C16orf89: variants seen among roughly 807,000 people sequenced by gnomAD.
The protein encoded by C16orf89 is UPF0764 protein C16orf89.
In C16orf89, 57 loss-of-function variants were observed where a neutral mutation model predicts 41.5. The ratio of observed to expected loss-of-function variants is 1.38; its 90% CI spans 1.11 to 1.71. C16orf89 has a LOEUF of 1.71. C16orf89 is among the 40% of genes most tolerant of loss of function. C16orf89 has a pLI of 0.00. For missense variants in C16orf89, 575 were observed against 445.9 expected (o/e 1.29, Z -2.61); for synonymous variants, 223 against 190.6 (o/e 1.17, Z -1.40).
rs1158669218 is a variant in C16orf89, at chr16:5,047,884, A to G, written c.949T>C (p.Phe317Leu). 3 of 1,565,168 alleles carry G rather than the reference A, an allele frequency of 1.9e-6. No homozygotes were observed. Among genetic ancestry groups the G allele is most frequent in the Admixed American group, 1.7e-5 (1 of 59,666 alleles). The change falls in exon 7 of 8, where the codon TTT (phenylalanine) becomes CTT (leucine). Residue 317 changes from phenylalanine (F) to leucine (L), a missense_variant. Coordinates refer to ENST00000472572, the MANE Select transcript of C16orf89 (RefSeq NM_001098514.3). ...SRRVKRREKQ[F>L]PDGCSSHNTA... ...CCTTGGGTATTTTCATTACCTGGAAATTGTTTTTCTCGCCTCTTCACTCTC... is the reference window on the plus strand; with the variant it reads ...CCTTGGGTATTTTCATTACCTGGAAGTTGTTTTTCTCGCCTCTTCACTCTC...
intron 4 of C16orf89, 104 bp from the exon 5 acceptor site, chr16:5,056,292 G>T: frequency 1.7e-6 from 2 of 1,155,110 alleles, no homozygotes; most frequent in Non-Finnish European, 1.2e-6. Flanking sequence ...CTTGCAAGGG[G>T]CTGTGTTTAG....
chr16:5,062,505 C>G lies in C16orf89; in HGVS notation c.278G>C (p.Gly93Ala). Residue 93 changes from glycine to alanine, a missense_variant, in exon 2 of 8, where the codon GGG becomes GCG. Coordinates refer to ENST00000472572, the MANE Select transcript of C16orf89 (RefSeq NM_001098514.3). ...PLLQPLSLRVGMLGEKLEAAI... is the reference protein window; with the variant it reads ...PLLQPLSLRVAMLGEKLEAAI... ...AGCCTCCAGCTTCTCCCCCAGCATC[C>G]CCACGCGCAGGCTCAGCGGCTGCAG... 1 of 1,614,072 alleles carries G rather than the reference C, an allele frequency of 6.2e-7. No individual in the cohort carries two copies. Among genetic ancestry groups the G allele is most frequent in the South Asian group, 1.1e-5 (1 of 91,082 alleles).
chr16:5,051,283 G>T (rs1342309636), intron 6 of C16orf89, among the ~76,000 whole-genome samples: 2 of 152,164 alleles, frequency 1.3e-5, no homozygotes, highest in African/African-American at 4.8e-5. Flanking sequence ...CAGATGACAT[G>T]ATCTGATAGA....
intron 4 of C16orf89, among the ~76,000 whole-genome samples, chr16:5,058,169 C>G (rs995249016): frequency 2.0e-5 from 3 of 151,936 alleles, no homozygotes; most frequent in Admixed American, 6.6e-5. Context: ...AGTCCATTGC[C>G]TGGGCTGGAG....
chr16:5,065,866 G>A lies in C16orf89; in HGVS notation c.43C>T (p.Leu15=). ...GLLLLLLLTA[L]PPLWSSSLPG... is the part of the protein sequence containing the mutation. ...AGTGAGGAGGACCACAGCGGTGGCAGTGCTGTCAGTAAGAGCAGGAGCAGC... is the reference window on the plus strand; with the variant it reads ...AGTGAGGAGGACCACAGCGGTGGCAATGCTGTCAGTAAGAGCAGGAGCAGC... The change falls in exon 1 of 8, where the codon CTG becomes TTG. Residue 15 remains leucine, a synonymous_variant. Coordinates refer to ENST00000472572, the MANE Select transcript of C16orf89 (RefSeq NM_001098514.3). 6.2e-7 allele frequency: 1 copy of A among 1,614,216 alleles called. No individual in the cohort carries two copies. The highest frequency in any genetic ancestry group is 8.5e-7 in the Non-Finnish European group (1 of 1,180,028).
In C16orf89 at chr16:5,049,939, A is replaced by C. The variant is rs141008503; in HGVS notation, c.869-1975T>G. On this transcript the variant is annotated intron_variant, in intron 6 of 7. Transcript: ENST00000472572. The stretch of plus-strand genomic sequence containing the variant: ...GGTTTTTAAAAAAGATCAACAGATA[A>C]ATTATTAACTAGACTAAGAAAAAAA... Among the ~76,000 whole-genome samples the C allele has an allele frequency of 1.4e-4, 22 of 152,286 alleles. No individual in the cohort carries two copies. The East Asian group carries it at 4.2e-3, about 29-fold the overall frequency.
chr16:5,062,970 A>C (rs907492275), intron 1 of C16orf89, among the ~76,000 whole-genome samples: 1 of 152,226 alleles, frequency 6.6e-6, no homozygotes, highest in Non-Finnish European at 1.5e-5. Context: ...GGCAACACAC[A>C]TTTGGATCAT....
intron 6 of C16orf89, 109 bp downstream of exon 6, chr16:5,055,137 C>G (rs552517113): frequency 5.2e-5 from 49 of 950,328 alleles, no homozygotes; most frequent in South Asian, 5.0e-4. Flanking sequence ...GTTACAAATC[C>G]CTTGGCAACC....
intron 2 of C16orf89, among the ~76,000 whole-genome samples, chr16:5,061,502 A>AAAAAAAAG (rs796550657): frequency 2.1e-5 from 1 of 46,650 alleles, no homozygotes; most frequent in Non-Finnish European, 3.4e-5. Context: ...AAAAAAAAAA[A>AAAAAAAAG]AACCCCCCCA....
chr16:5,055,843 T>A, intron 5 of C16orf89: 1 of 1,322,836 alleles, frequency 7.6e-7, no homozygotes. Flanking sequence ...ATGAAATAGT[T>A]GGGATAAACT....
chr16:5,063,556 A>T (rs1956671720), intron 1 of C16orf89, among the ~76,000 whole-genome samples: 1 of 151,742 alleles, frequency 6.6e-6, no homozygotes, highest in Admixed American at 6.6e-5. Context: ...ATTTACAGCC[A>T]CTCCCCATCA....
rs1404054631 is a variant in C16orf89 at position 5,055,339 on chromosome 16, C to T, written c.775G>A (p.Gly259Arg). ...DIFMENIMFC[G>R]MGGFSDFYKL... ...TAGAAGTCGGAGAAGCCGCCCATTC[C>T]ACAGAACATGACTGGAAGTAAAGAC... Residue 259 changes from glycine (G) to arginine (R), a missense_variant, in exon 6 of 8, where the codon GGA (glycine) becomes AGA (arginine). Coordinates refer to ENST00000472572, the MANE Select transcript of C16orf89 (RefSeq NM_001098514.3). 1 of 1,610,764 alleles carries T rather than the reference C, an allele frequency of 6.2e-7. No homozygotes were observed. The highest frequency in any genetic ancestry group is 2.2e-5 in the East Asian group (1 of 44,692).
In C16orf89 at chr16:5,055,331, G is replaced by A. The variant is rs1472061677; in HGVS notation, c.783C>T (p.Gly261=). The stretch of plus-strand genomic sequence containing the variant: ...GGAGCTTGTAGAAGTCGGAGAAGCC[G>A]CCCATTCCACAGAACATGACTGGAA... ...FMENIMFCGM[G]GFSDFYKLRW... Residue 261 remains glycine (G), a synonymous_variant, in exon 6 of 8, where the codon GGC becomes GGT. Coordinates refer to ENST00000472572, the MANE Select transcript of C16orf89 (RefSeq NM_001098514.3). 1.2e-5 allele frequency: 20 copies of A among 1,611,754 alleles called. No individual in the cohort carries two copies. The highest frequency in any genetic ancestry group is 6.7e-5 in the African/African-American group (5 of 74,798).
intron 2 of C16orf89, among the ~76,000 whole-genome samples, chr16:5,060,794 G>T (rs140431518): frequency 6.6e-6 from 1 of 151,944 alleles, no homozygotes; most frequent in Non-Finnish European, 1.5e-5. Context: ...GAGGCCCAAC[G>T]TTCAAGACCA....
chr16:5,046,334 T>A (rs1474696345), intron 7 of C16orf89, among the ~76,000 whole-genome samples: 1 of 151,576 alleles, frequency 6.6e-6, no homozygotes, highest in Non-Finnish European at 1.5e-5. Context: ...ATTTATTTTT[T>A]ATTTTATTTT....
intron 2 of C16orf89, among the ~76,000 whole-genome samples, chr16:5,061,195 G>C (rs1453655699): frequency 2.1e-5 from 3 of 144,528 alleles, no homozygotes; most frequent in Non-Finnish European, 4.5e-5. Context: ...CCGGGAGACA[G>C]AGCTTGCAGT....
At chr16:5,061,172 G>C (rs1406870438) in intron 2 of C16orf89, among the ~76,000 whole-genome samples, 1 of 145,074 alleles carries the variant, frequency 6.9e-6, no homozygotes, top group African/African-American at 2.6e-5. Flanking sequence ...TGAGGCAGGA[G>C]AATAGCATGA....
At chr16:5,048,444 C>T (rs1956341673) in intron 6 of C16orf89, among the ~76,000 whole-genome samples, 1 of 152,210 alleles carries the variant, frequency 6.6e-6, no homozygotes, top group Non-Finnish European at 1.5e-5. Flanking sequence ...TCCTCCTGCA[C>T]CTGTCTGCAG....
At chr16:5,046,993 C>G (rs1437989240) in intron 7 of C16orf89, among the ~76,000 whole-genome samples, 1 of 152,188 alleles carries the variant, frequency 6.6e-6, no homozygotes, top group Non-Finnish European at 1.5e-5. Flanking sequence ...CATTCATTGG[C>G]TTTCGGGTCC....
Sources: allele counts gnomAD v4.1 joint callset (sites outside exome capture counted in the v4.1 genomes callset), GRCh38; gene constraint gnomAD v4.1.1; transcripts MANE v1.5; gene names NCBI Gene and HGNC (gene_info 2026-07-23, HGNC 2026-07-21).